The following ARPC1B variants were observed in gnomAD, a reference collection of about 807,000 sequenced individuals.
ARPC1B encodes the protein actin related protein 2/3 complex subunit 1B.
Under a neutral mutation model 46.0 loss-of-function variants are expected in ARPC1B, and 29 were observed. The observed-to-expected ratio is 0.63, with a 90% CI of 0.47 to 0.86. ARPC1B has a LOEUF of 0.86. Among genes scored for constraint, ARPC1B ranks in the 40% least tolerant of loss-of-function variants. The pLI is 0.00. For missense variants in ARPC1B, 469 were observed against 529.4 expected (o/e 0.89, Z 1.12); for synonymous variants, 201 against 213.9 (o/e 0.94, Z 0.53).
chr7:99,381,414 ATGTG>A (rs1446647001), intron 1 of ARPC1B, among the ~76,000 whole-genome samples: 1 of 151,948 alleles, frequency 6.6e-6, no homozygotes, highest in Non-Finnish European at 1.5e-5. Context: ...TGCAGTGTGC[ATGTG>A]TGTGTGCAAG....
chr7:99,377,699 A>G (rs540345433), intron 1 of ARPC1B, among the ~76,000 whole-genome samples: 1 of 151,492 alleles, frequency 6.6e-6, no homozygotes, highest in Non-Finnish European at 1.5e-5. Flanking sequence ...CAGTGGCACA[A>G]TCTCAGCTAA....
chr7:99,385,650 C>A, intron 1 of ARPC1B, 52 bp from the exon 2 acceptor site: 1 of 1,517,058 alleles, frequency 6.6e-7, no homozygotes, highest in South Asian at 1.2e-5. Flanking sequence ...TGGGTGAAGT[C>A]AGGGGCAAGG....
chr7:99,383,075 C>A (rs951991753), intron 1 of ARPC1B, among the ~76,000 whole-genome samples: 3 of 151,988 alleles, frequency 2.0e-5, no homozygotes, highest in Non-Finnish European at 4.4e-5. Flanking sequence ...GAACTCCTGA[C>A]CTCAGGTGAT....
intron 9 of ARPC1B, 158 bp from the exon 10 acceptor site, chr7:99,394,293 C>G (rs529758052): frequency 4.9e-6 from 5 of 1,026,054 alleles, no homozygotes; most frequent in Non-Finnish European, 7.4e-6. Flanking sequence ...CTGGGGCACC[C>G]GTCTTCAGGG....
chr7:99,392,141 G>T (rs2150897352), intron 7 of ARPC1B: 1 of 154,176 alleles, frequency 6.5e-6, no homozygotes, highest in African/African-American at 2.4e-5. Context: ...TGCCACGAGG[G>T]AGCCGGAACC....
intron 4 of ARPC1B, 68 bp from the exon 5 acceptor site, chr7:99,389,837 T>C (rs564088781): frequency 1.5e-6 from 2 of 1,339,432 alleles, no homozygotes; most frequent in East Asian, 4.6e-5. Flanking sequence ...CTGGAGTCCC[T>C]GGTGCTGAGG....
chr7:99,387,897 T>G, intron 3 of ARPC1B, 142 bp from the exon 4 acceptor site: 2 of 620,266 alleles, frequency 3.2e-6, no homozygotes, highest in South Asian at 2.0e-5. Flanking sequence ...GAGACTCTGT[T>G]TCAAAAAAAA....
chr7:99,390,081 C>T (rs556066868), intron 5 of ARPC1B, 69 bp downstream of exon 5: 33 of 1,413,926 alleles, frequency 2.3e-5, no homozygotes, highest in Admixed American at 1.0e-4. Context: ...AGCGGGGAGC[C>T]GCACCTGAAA....
At position 99,393,515 on chromosome 7, in the gene ARPC1B, C is replaced by T. The variant is rs149739108; in HGVS notation, c.990-514C>T. 5.6e-3 allele frequency among the ~76,000 whole-genome samples: 845 copies of T among 152,020 alleles called. 11 individuals are homozygous for T. Among genetic ancestry groups the T allele is most frequent in the African/African-American group, 0.017 (720 of 41,438 alleles). ...GTGGGGGCGGAGCTGAGGGTCTCTCCGCAGCCTTCTATGGATCTAGGGTGG... is the reference window on the plus strand; with the variant it reads ...GTGGGGGCGGAGCTGAGGGTCTCTCTGCAGCCTTCTATGGATCTAGGGTGG... On this transcript the variant is annotated intron_variant, in intron 8 of 9. Coordinates refer to ENST00000646101, the MANE Select transcript of ARPC1B (RefSeq NM_005720.4).
chr7:99,387,565 T>G (rs965355234), intron 3 of ARPC1B, among the ~76,000 whole-genome samples: 35 of 152,138 alleles, frequency 2.3e-4, no homozygotes, highest in African/African-American at 8.2e-4. Flanking sequence ...TGGTGAAACC[T>G]CATCTCTACT....
chr7:99,386,677 C>T lies in ARPC1B; in HGVS notation c.65-8C>T. 4 of 1,608,046 alleles carry T rather than the reference C, an allele frequency of 2.5e-6. No homozygotes were observed. The highest frequency in any genetic ancestry group is 1.1e-5 in the South Asian group (1 of 90,954). ...GGGCCCCTCAATCTCCCTCCATCTC[C>T]CCTTCAGAGATTGCCATCTGCCCCA... On this transcript the variant is annotated splice_polypyrimidine_tract_variant and splice_region_variant and intron_variant, in intron 2 of 9. Transcript: ENST00000646101.
At chr7:99,376,930 T>A (rs1394108827) in intron 1 of ARPC1B, among the ~76,000 whole-genome samples, 1 of 150,326 alleles carries the variant, frequency 6.7e-6, no homozygotes, top group Non-Finnish European at 1.5e-5. Flanking sequence ...GGGAGAATGG[T>A]GAAAGGTCTG....
chr7:99,391,338 C>T, intron 7 of ARPC1B, 85 bp downstream of exon 7: 1 of 1,336,130 alleles, frequency 7.5e-7, no homozygotes, highest in Non-Finnish European at 1.0e-6. Context: ...TCCCTCCTTT[C>T]TCCTGCCTCC....
chr7:99,384,863 T>C (rs1794332825), intron 1 of ARPC1B, among the ~76,000 whole-genome samples: 1 of 149,588 alleles, frequency 6.7e-6, no homozygotes. Flanking sequence ...TTCATTTCTT[T>C]TTTTTTTTTT....
At position 99,385,762 on chromosome 7, in the gene ARPC1B, G is replaced by C. The variant is rs1387153022; in HGVS notation, c.48G>C (p.Trp16Cys). The change falls in exon 2 of 10, where the codon TGG becomes TGC. Residue 16 changes from tryptophan (W) to cysteine (C), a missense_variant. Transcript: ENST00000646101. Reference sequence around the variant, plus strand: ...TGGAGCCCATCAGCTGCCACGCCTGGAACAAGGACCGCACCCGTGAGTGCT... The same window carrying C: ...TGGAGCCCATCAGCTGCCACGCCTGCAACAAGGACCGCACCCGTGAGTGCT... Reference protein sequence around the residue: ...FLVEPISCHAWNKDRTQIAIC... With the variant: ...FLVEPISCHACNKDRTQIAIC... 4 of 1,610,500 alleles carry C rather than the reference G, an allele frequency of 2.5e-6. No individual in the cohort carries two copies. In the African/African-American group the frequency reaches 4.0e-5, roughly 16 times the overall value.
rs117404893 is a variant in ARPC1B at position 99,391,525 on chromosome 7, A to T, written c.783+272A>T. Among the ~76,000 whole-genome samples, 4 of 152,260 alleles carry T rather than the reference A, an allele frequency of 2.6e-5. No homozygotes were observed. The East Asian group carries it at 7.7e-4, about 29-fold the overall frequency. On this transcript the variant is annotated intron_variant, in intron 7 of 9. Coordinates refer to ENST00000646101, the MANE Select transcript of ARPC1B (RefSeq NM_005720.4). ...TTTGCGAGGTTGAGGTGGAAGTATC[A>T]CTGGAGGCCACGAGTTTGAGACCAG...
chr7:99,392,988 T>C, intron 8 of ARPC1B, 112 bp downstream of exon 8: 1 of 1,162,858 alleles, frequency 8.6e-7, no homozygotes, highest in East Asian at 2.8e-5. Flanking sequence ...GCTGGGACCT[T>C]GAGGACTGGG....
chr7:99,394,687 T>C lies in ARPC1B; in HGVS notation c.*198T>C. The stretch of plus-strand genomic sequence containing the variant: ...GAATACGTGCCTTTTTCTTAAATGC[T>C]TTCATTTATTGAAAAAAAAAAAAAA... On this transcript the variant is annotated 3_prime_UTR_variant, in exon 10 of 10. Transcript: ENST00000646101. 1 of 1,309,714 alleles carries C rather than the reference T, an allele frequency of 7.6e-7. No individual in the cohort carries two copies. The highest frequency in any genetic ancestry group is 9.6e-7 in the Non-Finnish European group (1 of 1,041,228). 81.1% of individuals were successfully genotyped at this position (1,309,714 alleles called of 1,614,324 possible). A position where few individuals can be genotyped will look rare whatever the true frequency, so the allele number is the denominator to read the frequency against.
At chr7:99,387,526 T>C (rs886949993) in intron 3 of ARPC1B, among the ~76,000 whole-genome samples, 2 of 151,962 alleles carry the variant, frequency 1.3e-5, no homozygotes, top group Admixed American at 1.3e-4. Context: ...TCACCTGAGG[T>C]CAGGAGTTCA....
Sources: allele counts gnomAD v4.1 joint callset (sites outside exome capture counted in the v4.1 genomes callset), GRCh38; gene constraint gnomAD v4.1.1; transcripts MANE v1.5; gene names NCBI Gene and HGNC (gene_info 2026-07-23, HGNC 2026-07-21).